The following FMN2 variants were observed in gnomAD, a reference collection of about 807,000 sequenced individuals.
The protein encoded by FMN2 is formin 2.
FMN2 carries 51 observed loss-of-function variants against 142.3 expected under a neutral mutation model. The ratio of observed to expected loss-of-function variants is 0.36; its 90% CI spans 0.29 to 0.45. FMN2 has a LOEUF of 0.45. FMN2 is among the 20% of genes least tolerant of loss of function. FMN2 has a pLI of 1.00. For synonymous variants in FMN2, 882 were observed against 869.8 expected (o/e 1.01, Z -0.25); for missense variants, 1,936 against 2,122.8 (o/e 0.91, Z 1.73).
At chr1:240,347,890 G>A (rs1433296873) in intron 13 of FMN2, among the ~76,000 whole-genome samples, 1 of 152,158 alleles carries the variant, frequency 6.6e-6, no homozygotes, top group African/African-American at 2.4e-5. Context: ...TTTCATGGCT[G>A]CATAGTATTC....
intron 7 of FMN2, chr1:240,285,297 C>T: frequency 2.2e-6 from 1 of 455,238 alleles, no homozygotes; most frequent in Non-Finnish European, 4.4e-6. Flanking sequence ...GAATTAAGGA[C>T]AGTTCCTCTG....
At position 240,230,277 on chromosome 1, in the gene FMN2, A is replaced by C. The variant is rs1171676518; in HGVS notation, c.4065+19042A>C. Among the ~76,000 whole-genome samples the C allele has an allele frequency of 3.1e-5, 4 of 130,494 alleles. 1 individual carries two copies. Among genetic ancestry groups the C allele is most frequent in the South Asian group, 2.4e-4 (1 of 4,182 alleles). The allele number at this position is 130,494 out of a possible 152,430, so 85.6% of individuals were successfully genotyped here. A position where few individuals can be genotyped will look rare whatever the true frequency, so the allele number is the denominator to read the frequency against. ...AGGAGGTCAAGGCTGCAGTGAGCCG[A>C]GATCAAGCCACTGCACTCCAGCCTG... On this transcript the variant is annotated intron_variant, in intron 6 of 17. Transcript: ENST00000319653.
chr1:240,184,407 T>G (rs1665298579), intron 3 of FMN2, among the ~76,000 whole-genome samples: 1 of 151,826 alleles, frequency 6.6e-6, no homozygotes, highest in Non-Finnish European at 1.5e-5. Context: ...GGCTCATTTT[T>G]GTATTTTTAG....
chr1:240,235,304 A>T (rs74149378), intron 6 of FMN2, among the ~76,000 whole-genome samples: 2,008 of 152,276 alleles, frequency 0.013, 42 homozygotes, highest in African/African-American at 0.046. Context: ...CTAAGCCAAG[A>T]TATCAGTCTA....
At chr1:240,359,007 C>T (rs1340023792) in intron 14 of FMN2, among the ~76,000 whole-genome samples, 3 of 152,040 alleles carry the variant, frequency 2.0e-5, no homozygotes, top group Non-Finnish European at 4.4e-5. Context: ...CACCTGTAAT[C>T]CCAGCTACTC....
At chr1:240,380,123 C>G (rs1342924921) in intron 14 of FMN2, among the ~76,000 whole-genome samples, 1 of 152,158 alleles carries the variant, frequency 6.6e-6, no homozygotes, top group African/African-American at 2.4e-5. Flanking sequence ...AAACTGGACT[C>G]TAGACCAAAT....
chr1:240,391,601 A>G (rs1673606287), intron 14 of FMN2, among the ~76,000 whole-genome samples: 1 of 152,010 alleles, frequency 6.6e-6, no homozygotes, highest in Non-Finnish European at 1.5e-5. Flanking sequence ...TTACTCAGTG[A>G]TTTTCAAACT....
intron 1 of FMN2, among the ~76,000 whole-genome samples, chr1:240,104,478 G>A (rs764853334): frequency 6.6e-6 from 1 of 152,092 alleles, no homozygotes; most frequent in African/African-American, 2.4e-5. Context: ...GGCAAAACTC[G>A]TTTTGTCCTT....
chr1:240,265,429 G>A (rs1183307172), intron 7 of FMN2, among the ~76,000 whole-genome samples: 2 of 151,946 alleles, frequency 1.3e-5, no homozygotes, highest in South Asian at 2.1e-4. Context: ...ATTATAATGG[G>A]GTTGAAAAAT....
At chr1:240,402,058 A>G (rs753542762) in intron 15 of FMN2, among the ~76,000 whole-genome samples, 8 of 152,232 alleles carry the variant, frequency 5.3e-5, no homozygotes, top group Non-Finnish European at 1.0e-4. Flanking sequence ...ATGTGAAAAC[A>G]TTTTGTAAAC....
intron 13 of FMN2, among the ~76,000 whole-genome samples, chr1:240,354,806 A>G (rs1572222881): frequency 6.6e-6 from 1 of 152,288 alleles, no homozygotes; most frequent in African/African-American, 2.4e-5. Flanking sequence ...AGAAATGGCA[A>G]CCTTACCTTA....
At chr1:240,442,723 T>G (rs1171919809) in intron 16 of FMN2, among the ~76,000 whole-genome samples, 1 of 152,348 alleles carries the variant, frequency 6.6e-6, no homozygotes, top group African/African-American at 2.4e-5. Context: ...GTGATAATAA[T>G]AACTCTATTT....
At chr1:240,301,728 C>T (rs1271488310) in intron 8 of FMN2, among the ~76,000 whole-genome samples, 1 of 151,846 alleles carries the variant, frequency 6.6e-6, no homozygotes, top group Middle Eastern at 3.2e-3. Context: ...GATAAGTCTG[C>T]CATCATTGTT....
At chr1:240,341,514 A>T (rs1671740350) in intron 13 of FMN2, 1 of 152,142 alleles carries the variant, frequency 6.6e-6, no homozygotes. Flanking sequence ...CCTATGGGCT[A>T]AACCTGTCCT....
intron 15 of FMN2, among the ~76,000 whole-genome samples, chr1:240,398,292 C>T (rs977905551): frequency 6.6e-6 from 1 of 152,196 alleles, no homozygotes; most frequent in African/African-American, 2.4e-5. Context: ...GGATGAGCCA[C>T]CGTGCCTGGC....
chr1:240,468,188 C>T (rs1306155376), intron 16 of FMN2, among the ~76,000 whole-genome samples: 2 of 136,250 alleles, frequency 1.5e-5, no homozygotes, highest in Non-Finnish European at 3.1e-5. Context: ...GTGAATGCAT[C>T]CACTAAAATA....
chr1:240,262,197 C>T (rs899271151), intron 7 of FMN2, among the ~76,000 whole-genome samples: 42 of 151,728 alleles, frequency 2.8e-4, no homozygotes, highest in South Asian at 2.1e-4. Flanking sequence ...GGGTTCTGGG[C>T]TTTGATATTT....
intron 6 of FMN2, among the ~76,000 whole-genome samples, chr1:240,257,663 A>C (rs545621667): frequency 6.6e-6 from 1 of 152,282 alleles, no homozygotes; most frequent in South Asian, 2.1e-4. Context: ...GACCATTAGA[A>C]ATTTTACTTG....
intron 16 of FMN2, among the ~76,000 whole-genome samples, chr1:240,444,972 G>A (rs1451414931): frequency 6.6e-6 from 1 of 152,184 alleles, no homozygotes. Context: ...TGCATTGCAT[G>A]ATAAATGAAT....
Sources: allele counts gnomAD v4.1 joint callset (sites outside exome capture counted in the v4.1 genomes callset), GRCh38; gene constraint gnomAD v4.1.1; transcripts MANE v1.5; gene names NCBI Gene and HGNC (gene_info 2026-07-23, HGNC 2026-07-21).